ADAM18: variants seen among roughly 807,000 people sequenced by gnomAD.
The protein encoded by ADAM18 is ADAM metallopeptidase domain 18.
A neutral mutation model predicts 94.4 loss-of-function variants in ADAM18; 117 were observed. The ratio of observed to expected loss-of-function variants is 1.24; its 90% CI spans 1.07 to 1.45. ADAM18 has a LOEUF of 1.45. Ranked by LOEUF, ADAM18 falls within the 40% of genes most tolerant of loss-of-function variation. ADAM18 has a pLI of 0.00. For synonymous variants in ADAM18, 327 were observed against 291.6 expected, an observed-to-expected ratio of 1.12 and a Z score of -1.24; for missense variants, 936 against 880.0, an observed-to-expected ratio of 1.06 and a Z score of -0.81.
intron 2 of ADAM18, among the ~76,000 whole-genome samples, chr8:39,595,478 T>A (rs1286954157): frequency 2.0e-5 from 3 of 152,172 alleles, no homozygotes; most frequent in Admixed American, 6.6e-5. Context: ...TTTATTTTTT[T>A]AAATATGTAT....
intron 12 of ADAM18, among the ~76,000 whole-genome samples, chr8:39,654,203 G>T (rs1820622410): frequency 7.0e-6 from 1 of 142,914 alleles, no homozygotes; most frequent in African/African-American, 2.9e-5. Context: ...AGTCACCAGG[G>T]CTGGAGTGCA....
intron 17 of ADAM18, among the ~76,000 whole-genome samples, chr8:39,700,100 C>A (rs1822022736): frequency 6.6e-6 from 1 of 152,122 alleles, no homozygotes; most frequent in Non-Finnish European, 1.5e-5. Context: ...AAATTAACTA[C>A]AATGTGATTT....
At chr8:39,594,656 A>G (rs1360416934) in intron 2 of ADAM18, among the ~76,000 whole-genome samples, 2 of 150,020 alleles carry the variant, frequency 1.3e-5, no homozygotes, top group Non-Finnish European at 3.0e-5. Flanking sequence ...TTTGATCTTC[A>G]TGTCTTCTTA....
intron 10 of ADAM18, 105 bp from the exon 11 acceptor site, chr8:39,645,232 AC>A: frequency 1.0e-6 from 1 of 952,898 alleles, no homozygotes; most frequent in East Asian, 2.7e-5. Context: ...AGTATGCTTA[AC>A]ATAAGAAGTA....
At chr8:39,676,766 C>T (rs931958069) in intron 14 of ADAM18, among the ~76,000 whole-genome samples, 34 of 152,254 alleles carry the variant, frequency 2.2e-4, no homozygotes, top group East Asian at 1.5e-3. Context: ...TGTTCCTATT[C>T]GGCCATTTTG....
At chr8:39,696,193 G>A (rs1369348096) in intron 17 of ADAM18, among the ~76,000 whole-genome samples, 1 of 151,298 alleles carries the variant, frequency 6.6e-6, no homozygotes, top group Non-Finnish European at 1.5e-5. Context: ...TATACCTTTA[G>A]ATGATTTTCT....
rs1490893217 is a variant in ADAM18, at chr8:39,689,006, T to C, written c.1822-3594T>C. On this transcript the variant is annotated intron_variant, in intron 16 of 19. Coordinates refer to ENST00000265707, the MANE Select transcript of ADAM18 (RefSeq NM_014237.3). Reference sequence around the variant, plus strand: ...TCCATGTTTCTTGGCTGCATGTATGTCTTCTTTTGAAAAGTATCTGTTCAT... The same window carrying C: ...TCCATGTTTCTTGGCTGCATGTATGCCTTCTTTTGAAAAGTATCTGTTCAT... Among the ~76,000 whole-genome samples the C allele has an allele frequency of 3.3e-5, 5 of 152,198 alleles. No homozygotes were observed. The South Asian group carries it at 6.2e-4, about 19-fold the overall frequency.
intron 18 of ADAM18, among the ~76,000 whole-genome samples, chr8:39,717,401 T>C (rs542445379): frequency 5.3e-4 from 80 of 152,030 alleles, no homozygotes; most frequent in African/African-American, 1.8e-3. Flanking sequence ...TTTTTGTCTC[T>C]ATATTTATCT....
chr8:39,598,969 G>T (rs867232285), intron 2 of ADAM18, among the ~76,000 whole-genome samples: 63 of 151,908 alleles, frequency 4.1e-4, no homozygotes, highest in African/African-American at 1.5e-3. Context: ...CCACCAACAC[G>T]CCCGGCTAAT....
At chr8:39,704,974 A>G (rs1822198888) in intron 17 of ADAM18, among the ~76,000 whole-genome samples, 1 of 152,160 alleles carries the variant, frequency 6.6e-6, no homozygotes, top group South Asian at 2.1e-4. Flanking sequence ...AGGAAAATAT[A>G]TATGTGAGAA....
chr8:39,630,974 T>C (rs929526642), intron 7 of ADAM18, among the ~76,000 whole-genome samples: 7 of 152,000 alleles, frequency 4.6e-5, no homozygotes, highest in Non-Finnish European at 8.8e-5. Flanking sequence ...ATTTAACACA[T>C]GATTGAGTTT....
chr8:39,598,213 G>C (rs956313904), intron 2 of ADAM18, among the ~76,000 whole-genome samples: 2 of 151,608 alleles, frequency 1.3e-5, no homozygotes, highest in Non-Finnish European at 2.9e-5. Flanking sequence ...TTTCATCTAT[G>C]AACAAAGACA....
intron 12 of ADAM18, among the ~76,000 whole-genome samples, chr8:39,652,660 A>G (rs1038928197): frequency 2.0e-5 from 3 of 152,210 alleles, no homozygotes; most frequent in African/African-American, 4.8e-5. Context: ...AGAACTTCAT[A>G]TAATCCAGTG....
intron 17 of ADAM18, among the ~76,000 whole-genome samples, chr8:39,706,017 T>C (rs1364897781): frequency 6.6e-6 from 1 of 152,128 alleles, no homozygotes; most frequent in Non-Finnish European, 1.5e-5. Flanking sequence ...TCTTTAGCAG[T>C]TGGAAATGGG....
In ADAM18 at chr8:39,611,129, T is replaced by C. The variant is rs1032512062; in HGVS notation, c.522+423T>C. 2.2e-5 allele frequency: 22 copies of C among 982,812 alleles called. No homozygotes were observed. In the East Asian group the frequency reaches 2.2e-3, roughly 99 times the overall value. The allele number at this position is 982,812 out of a possible 1,614,324, so 60.9% of individuals were successfully genotyped here. ...ATTTGCTGGTAGACTAGGTATAGAA[T>C]TCTTGCTGGCAGTTTCTTTCTTTCA... On this transcript the variant is annotated intron_variant, in intron 6 of 19. Coordinates refer to ENST00000265707, the MANE Select transcript of ADAM18 (RefSeq NM_014237.3).
intron 12 of ADAM18, among the ~76,000 whole-genome samples, chr8:39,651,805 A>C (rs1820546892): frequency 1.3e-5 from 2 of 152,188 alleles, no homozygotes. Flanking sequence ...AGCAATTCTG[A>C]GTGAAAAGAG....
intron 12 of ADAM18, 53 bp from the exon 13 acceptor site, chr8:39,663,742 A>G (rs1820913570): frequency 8.5e-7 from 1 of 1,177,884 alleles, no homozygotes; most frequent in Non-Finnish European, 1.3e-6. Flanking sequence ...ATTAAGAAAC[A>G]AGAGCTTTTA....
chr8:39,719,388 A>C (rs1481965804), intron 18 of ADAM18, among the ~76,000 whole-genome samples: 2 of 151,388 alleles, frequency 1.3e-5, no homozygotes, highest in African/African-American at 4.8e-5. Flanking sequence ...AACATAAGAG[A>C]AATCCTCAGG....
At chr8:39,629,294 G>A (rs887736629) in intron 6 of ADAM18, 80 bp from the exon 7 acceptor site, 79 of 1,059,260 alleles carry the variant, frequency 7.5e-5, no homozygotes, top group African/African-American at 5.2e-4. Context: ...GCAATTTTTC[G>A]CTGTCTTTAC....
Sources: gnomAD v4.1 joint callset for allele counts (sites outside exome capture counted in the v4.1 genomes callset) on GRCh38, gnomAD v4.1.1 for gene constraint, MANE v1.5 for transcripts, NCBI Gene and HGNC (gene_info 2026-07-23, HGNC 2026-07-21) for gene names.